TCERG1: variants seen among roughly 807,000 people sequenced by gnomAD.
The protein encoded by TCERG1 is transcription elongation regulator 1.
TCERG1 carries 37 observed loss-of-function variants against 144.7 expected under a neutral mutation model. That is an observed-to-expected ratio of 0.26 (90% CI 0.20 to 0.34). The LOEUF is 0.34. Ranked by LOEUF, TCERG1 falls within the 10% of genes least tolerant of loss-of-function variation. The pLI is 1.00. For synonymous variants in TCERG1, 492 were observed against 458.2 expected (o/e 1.07, Z -0.94); for missense variants, 1,027 against 1,380.7 (o/e 0.74, Z 4.06).
intron 5 of TCERG1, among the ~76,000 whole-genome samples, chr5:146,467,814 A>G (rs1384660057): frequency 6.6e-6 from 1 of 152,154 alleles, no homozygotes; most frequent in Non-Finnish European, 1.5e-5. Context: ...GAATATTTGG[A>G]TCCATCTCAT....
At position 146,467,864 on chromosome 5, in the gene TCERG1, C is replaced by A. The variant is rs192456231; in HGVS notation, c.1136-477C>A. 1.6e-4 allele frequency among the ~76,000 whole-genome samples: 24 copies of A among 152,298 alleles called. 1 individual carries two copies. Among genetic ancestry groups the A allele is most frequent in the Admixed American group, 1.5e-3 (23 of 15,298 alleles). On this transcript the variant is annotated intron_variant, in intron 5 of 22. Coordinates refer to ENST00000679501, the MANE Select transcript of TCERG1 (RefSeq NM_001382548.1). ...CTCTCCTCACCACCCCTAGCTTATT[C>A]CTTTTTTACTTCTGCATGGTTGTAC...
At chr5:146,488,105 A>G (rs1766019106) in intron 15 of TCERG1, among the ~76,000 whole-genome samples, 1 of 152,198 alleles carries the variant, frequency 6.6e-6, no homozygotes, top group South Asian at 2.1e-4. Context: ...TCAACTCAAA[A>G]TAGATCAAAG....
intron 9 of TCERG1, among the ~76,000 whole-genome samples, chr5:146,473,035 A>G (rs1764491712): frequency 1.3e-5 from 2 of 152,120 alleles, no homozygotes; most frequent in Non-Finnish European, 2.9e-5. Flanking sequence ...CTTTAAGTCA[A>G]AAACTAAACA....
At chr5:146,470,337 A>G (rs578142663) in intron 7 of TCERG1, among the ~76,000 whole-genome samples, 1 of 152,262 alleles carries the variant, frequency 6.6e-6, no homozygotes, top group Admixed American at 6.5e-5. Context: ...TAAGTATCTT[A>G]GTATCTTATC....
At chr5:146,501,083 T>A (rs1307227480) in intron 17 of TCERG1, among the ~76,000 whole-genome samples, 1 of 152,122 alleles carries the variant, frequency 6.6e-6, no homozygotes, top group African/African-American at 2.4e-5. Context: ...TATTGTAATA[T>A]ATTATTATAA....
chr5:146,489,443 T>G (rs1365899127), intron 15 of TCERG1, among the ~76,000 whole-genome samples: 1 of 152,196 alleles, frequency 6.6e-6, no homozygotes, highest in Non-Finnish European at 1.5e-5. Flanking sequence ...ATATTGACAG[T>G]ATTACAGTAT....
chr5:146,470,462 G>A lies in TCERG1; in HGVS notation c.1400-174G>A, dbSNP rs564862014. On this transcript the variant is annotated intron_variant, in intron 7 of 22. Transcript: ENST00000679501. ...ATCAGATAGTTACCTGATTGGTATA[G>A]CAAGGTATTTGAAGTTGTGCATTAC... Among the ~76,000 whole-genome samples, 4 of 152,112 alleles carry A rather than the reference G, an allele frequency of 2.6e-5. No individual in the cohort carries two copies. The South Asian group carries it at 8.3e-4, about 32-fold the overall frequency.
Position 146,510,760 on chromosome 5 carries a change from A to G in TCERG1, c.*118A>G. Reference sequence around the variant, plus strand: ...GCGAAACCATCTGACAAACAGAAGGAGAAGCATTTGTGAACAGTTTCTGAA... The same window carrying G: ...GCGAAACCATCTGACAAACAGAAGGGGAAGCATTTGTGAACAGTTTCTGAA... On this transcript the variant is annotated 3_prime_UTR_variant, in exon 23 of 23. Coordinates refer to ENST00000679501, the MANE Select transcript of TCERG1 (RefSeq NM_001382548.1). 3.1e-6 allele frequency: 3 copies of G among 964,418 alleles called. No individual in the cohort carries two copies. The highest frequency in any genetic ancestry group is 4.4e-6 in the Non-Finnish European group (3 of 675,434). The allele number at this position is 964,418 out of a possible 1,614,324, so 59.7% of individuals were successfully genotyped here.
Position 146,507,971 on chromosome 5 carries a change from T to G in TCERG1, c.3045+15T>G. ...CCAGTGACAGGGTAAGAGGATTTTGTGTCGAGATTTACTGTCAGTCTATAA... is the reference window on the plus strand; with the variant it reads ...CCAGTGACAGGGTAAGAGGATTTTGGGTCGAGATTTACTGTCAGTCTATAA... On this transcript the variant is annotated intron_variant, in intron 21 of 22. Coordinates refer to ENST00000679501, the MANE Select transcript of TCERG1 (RefSeq NM_001382548.1). The surrounding 1 kb of genome is among the most constrained non-coding windows in gnomAD (Gnocchi z 4.6). 1 of 1,584,976 alleles carries G rather than the reference T, an allele frequency of 6.3e-7. No homozygotes were observed. The highest frequency in any genetic ancestry group is 8.6e-7 in the Non-Finnish European group (1 of 1,160,930).
Position 146,507,649 on chromosome 5 carries a change from T to C in TCERG1, c.2962-224T>C. The C allele has an allele frequency of 2.3e-6, 1 of 427,276 alleles. No individual in the cohort carries two copies. Among genetic ancestry groups the C allele is most frequent in the Non-Finnish European group, 4.1e-6 (1 of 242,818 alleles). 26.5% of individuals were successfully genotyped at this position (427,276 alleles called of 1,614,324 possible). On this transcript the variant is annotated intron_variant, in intron 20 of 22. Transcript: ENST00000679501. The surrounding 1 kb of genome is among the most constrained non-coding windows in gnomAD (Gnocchi z 4.6). ...TAAATACAGGGTTTGCAGGTGATTG[T>C]CTTAGGCCACCTTGAAAGTATGGCC...
chr5:146,502,059 T>C (rs1331972791), intron 17 of TCERG1, among the ~76,000 whole-genome samples: 1 of 152,040 alleles, frequency 6.6e-6, no homozygotes, highest in Non-Finnish European at 1.5e-5. Context: ...CACACCCAGC[T>C]AACTTTTTGT....
chr5:146,505,362 A>T (rs1365854814), intron 19 of TCERG1: 2 of 152,204 alleles, frequency 1.3e-5, no homozygotes, highest in African/African-American at 4.8e-5. Flanking sequence ...CTTGCAGGGG[A>T]TGAAGGTTCT....
chr5:146,482,967 A>G (rs139962233), intron 14 of TCERG1, among the ~76,000 whole-genome samples: 2 of 152,232 alleles, frequency 1.3e-5, no homozygotes, highest in East Asian at 3.9e-4. Flanking sequence ...TGGGTCATTA[A>G]ATTGTGGTGA....
Position 146,510,451 on chromosome 5 carries a change from T to G in TCERG1, c.3157T>G (p.Leu1053Val), listed in dbSNP as rs749376117. The change falls in exon 23 of 23, where the codon TTA becomes GTA. Residue 1053 changes from leucine (L) to valine (V), a missense_variant. Leu to Val is a conservative substitution (Grantham distance 32). Around this residue, in one of 6 missense-constraint regions of TCERG1, gnomAD observed 133 missense variants for 283.2 expected, o/e 0.47. Transcript: ENST00000679501. ...TTTTTCTTATTTCAGATCCAAAAAATTAATCCAAGAATCAGATCAGCACCT... is the reference window on the plus strand; with the variant it reads ...TTTTTCTTATTTCAGATCCAAAAAAGTAATCCAAGAATCAGATCAGCACCT... Reference protein sequence around the residue: ...TKFITYRSKKLIQESDQHLKD... With the variant: ...TKFITYRSKKVIQESDQHLKD... 2.5e-6 allele frequency: 4 copies of G among 1,612,398 alleles called. No homozygotes were observed. In the Admixed American group the frequency reaches 5.0e-5, roughly 20 times the overall value.
At chr5:146,483,768 GTGTC>G in intron 15 of TCERG1, 139 bp downstream of exon 15, 1 of 614,914 alleles carries the variant, frequency 1.6e-6, no homozygotes, top group Non-Finnish European at 2.7e-6. Flanking sequence ...AACATATTAT[GTGTC>G]TGTGTGTGGA....
At chr5:146,465,348 C>T (rs537174886) in intron 5 of TCERG1, among the ~76,000 whole-genome samples, 4 of 152,226 alleles carry the variant, frequency 2.6e-5, no homozygotes, top group African/African-American at 9.6e-5. Context: ...GAAAGGCTGT[C>T]ATTTGAACAA....
rs1222110643 is a variant in TCERG1, at chr5:146,503,851, C to T, written c.2626C>T (p.Leu876Phe). The T allele has an allele frequency of 2.5e-6, 4 of 1,598,260 alleles. No individual in the cohort carries two copies. Among genetic ancestry groups the T allele is most frequent in the Admixed American group, 3.6e-5 (2 of 55,862 alleles). Reference protein sequence around the residue: ...KNLDSEKEKELERQARIEASL... With the variant: ...KNLDSEKEKEFERQARIEASL... ...TTTAGACTCAGAAAAAGAAAAGGAG[C>T]TTGAAAGGCAAGCCCGCATTGAGGC... The change falls in exon 19 of 23, where the codon CTT (leucine) becomes TTT (phenylalanine). Residue 876 changes from leucine (L) to phenylalanine (F), a missense_variant. Leu to Phe is a conservative substitution (Grantham distance 22). Around this residue, in one of 6 missense-constraint regions of TCERG1, gnomAD observed 482 missense variants for 632.6 expected, o/e 0.76. Coordinates refer to ENST00000679501, the MANE Select transcript of TCERG1 (RefSeq NM_001382548.1).
Position 146,477,692 on chromosome 5 carries a change from CTTTTTT to C in TCERG1, c.1602-783_1602-778del, listed in dbSNP as rs1168989847. On this transcript the variant is annotated intron_variant, in intron 9 of 22. Coordinates refer to ENST00000679501, the MANE Select transcript of TCERG1 (RefSeq NM_001382548.1). ...ATGCCCTAGTGCAATTGGTACTTTA[CTTTTTT>C]TTTTTTTTTTTTTTTTTGAGACTGG... Among the ~76,000 whole-genome samples the C allele has an allele frequency of 2.1e-4, 17 of 79,380 alleles. No homozygotes were observed. The East Asian group carries it at 6.3e-3, about 29-fold the overall frequency. 52.1% of individuals were successfully genotyped at this position (79,380 alleles called of 152,430 possible). A position where few individuals can be genotyped will look rare whatever the true frequency, so the allele number is the denominator to read the frequency against.
chr5:146,507,982 A>G lies in TCERG1; in HGVS notation c.3045+26A>G, dbSNP rs1581588574. Reference sequence around the variant, plus strand: ...GTAAGAGGATTTTGTGTCGAGATTTACTGTCAGTCTATAAATACTTAAATC... The same window carrying G: ...GTAAGAGGATTTTGTGTCGAGATTTGCTGTCAGTCTATAAATACTTAAATC... On this transcript the variant is annotated intron_variant, in intron 21 of 22. Transcript: ENST00000679501. This position sits in a 1 kb window ranked among gnomAD's most constrained non-coding sequence, Gnocchi z 4.6. 1 of 1,549,802 alleles carries G rather than the reference A, an allele frequency of 6.5e-7. No homozygotes were observed. Among genetic ancestry groups the G allele is most frequent in the Non-Finnish European group, 8.8e-7 (1 of 1,130,570 alleles).
Sources: allele counts gnomAD v4.1 joint callset (sites outside exome capture counted in the v4.1 genomes callset), GRCh38; gene constraint gnomAD v4.1.1; regional missense constraint gnomAD v4.1.1; non-coding constraint Gnocchi (gnomAD v3.1); transcripts MANE v1.5; gene names NCBI Gene and HGNC (gene_info 2026-07-23, HGNC 2026-07-21).